The following ADGRL3 variants were observed in gnomAD, a reference collection of about 807,000 sequenced individuals.
ADGRL3 encodes calcium-independent alpha-latrotoxin receptor 3.
In ADGRL3, 62 loss-of-function variants were observed where a neutral mutation model predicts 153.5. That is an observed-to-expected ratio of 0.40 (90% CI 0.33 to 0.50). The LOEUF (loss-of-function observed/expected upper bound fraction) is 0.50. Among genes scored for constraint, ADGRL3 ranks in the 20% least tolerant of loss-of-function variants. ADGRL3 has a pLI of 0.47. For synonymous variants in ADGRL3, 710 were observed against 672.5 expected, an observed-to-expected ratio of 1.06 and a Z score of -0.86; for missense variants, 1,641 against 1,859.4, an observed-to-expected ratio of 0.88 and a Z score of 2.16.
chr4:61,387,358 T>A (rs1336735772), intron 2 of ADGRL3, among the ~76,000 whole-genome samples: 1 of 152,104 alleles, frequency 6.6e-6, no homozygotes, highest in Non-Finnish European at 1.5e-5. Context: ...ATTGATAACA[T>A]CTTATCAGGA....
chr4:61,429,026 A>G (rs548807524), intron 2 of ADGRL3, among the ~76,000 whole-genome samples: 1 of 152,166 alleles, frequency 6.6e-6, no homozygotes, highest in South Asian at 2.1e-4. Flanking sequence ...ATCTATTATA[A>G]ATATAGATAT....
intron 1 of ADGRL3, among the ~76,000 whole-genome samples, chr4:61,248,137 C>T (rs535314803): frequency 3.5e-4 from 53 of 152,090 alleles, no homozygotes; most frequent in African/African-American, 8.9e-4. Context: ...TTGAAACCTT[C>T]TCATTTGCTT....
At chr4:61,711,491 T>TATATATATATACAC (rs757078842) in intron 6 of ADGRL3, among the ~76,000 whole-genome samples, 9 of 89,210 alleles carry the variant, frequency 1.0e-4, no homozygotes, top group East Asian at 5.3e-4. Flanking sequence ...TATATATATA[T>TATATATATATACAC]ACACACACAC....
chr4:62,053,555 G>A (rs1375487344), intron 25 of ADGRL3, among the ~76,000 whole-genome samples: 1 of 151,452 alleles, frequency 6.6e-6, no homozygotes, highest in Admixed American at 6.6e-5. Flanking sequence ...GGAGAATTAC[G>A]AAAGATTTGA....
chr4:61,451,843 G>T (rs1294821081), intron 2 of ADGRL3, among the ~76,000 whole-genome samples: 1 of 152,040 alleles, frequency 6.6e-6, no homozygotes, highest in Non-Finnish European at 1.5e-5. Context: ...TATTTTAGTG[G>T]AATAAGAATA....
chr4:61,274,990 G>T (rs2093391702), intron 1 of ADGRL3, among the ~76,000 whole-genome samples: 1 of 152,028 alleles, frequency 6.6e-6, no homozygotes, highest in African/African-American at 2.4e-5. Context: ...CTAGTTTTTT[G>T]TTTGTATGTT....
chr4:61,255,544 A>G (rs2091882062), intron 1 of ADGRL3, among the ~76,000 whole-genome samples: 1 of 152,164 alleles, frequency 6.6e-6, no homozygotes, highest in Admixed American at 6.5e-5. Flanking sequence ...ATTTTTGATT[A>G]TTTACTCAGA....
At chr4:61,964,890 A>G (rs1462400570) in intron 17 of ADGRL3, among the ~76,000 whole-genome samples, 1 of 152,118 alleles carries the variant, frequency 6.6e-6, no homozygotes, top group African/African-American at 2.4e-5. Context: ...AATTGTGTAT[A>G]CTGTTCTTGG....
chr4:61,260,373 C>T (rs543576220), intron 1 of ADGRL3, among the ~76,000 whole-genome samples: 3 of 152,182 alleles, frequency 2.0e-5, no homozygotes, highest in East Asian at 1.9e-4. Context: ...GCCGGATTCC[C>T]GTGTTAATGA....
intron 1 of ADGRL3, among the ~76,000 whole-genome samples, chr4:61,238,867 T>TA (rs539611747): frequency 1.4e-4 from 21 of 152,004 alleles, no homozygotes; most frequent in Admixed American, 5.3e-4. Flanking sequence ...TGGCCTACAT[T>TA]AAAAAAAACT....
chr4:61,587,647 A>G (rs911827623), intron 5 of ADGRL3, among the ~76,000 whole-genome samples: 4 of 152,110 alleles, frequency 2.6e-5, no homozygotes, highest in African/African-American at 7.2e-5. Flanking sequence ...TGGATTATCT[A>G]TTACATTTCA....
intron 2 of ADGRL3, among the ~76,000 whole-genome samples, chr4:61,458,335 C>T (rs550936790): frequency 6.6e-6 from 1 of 150,876 alleles, no homozygotes; most frequent in South Asian, 2.1e-4. Flanking sequence ...TGGGTTATTA[C>T]TTTGATGCTT....
chr4:61,775,766 C>G (rs1165099777), intron 8 of ADGRL3: 8 of 827,332 alleles, frequency 9.7e-6, no homozygotes, highest in Non-Finnish European at 1.7e-5. Flanking sequence ...GCTAGGCAAT[C>G]GTGGATGAGG....
At chr4:61,806,137 G>A (rs963096053) in intron 8 of ADGRL3, among the ~76,000 whole-genome samples, 6 of 152,138 alleles carry the variant, frequency 3.9e-5, no homozygotes, top group Non-Finnish European at 8.8e-5. Flanking sequence ...GGATGACAGA[G>A]TACACATATG....
At chr4:61,782,532 G>A (rs1408376286) in intron 8 of ADGRL3, among the ~76,000 whole-genome samples, 1 of 152,042 alleles carries the variant, frequency 6.6e-6, no homozygotes, top group Non-Finnish European at 1.5e-5. Context: ...GGGGAAAATG[G>A]TCAAATTATG....
intron 9 of ADGRL3, among the ~76,000 whole-genome samples, chr4:61,819,643 A>C (rs2148702652): frequency 6.6e-6 from 1 of 152,244 alleles, no homozygotes; most frequent in East Asian, 1.9e-4. Context: ...TAGCAATATG[A>C]AACAAAAACA....
intron 9 of ADGRL3, among the ~76,000 whole-genome samples, chr4:61,887,126 A>C (rs575873321): frequency 6.6e-6 from 1 of 152,170 alleles, no homozygotes; most frequent in Admixed American, 6.5e-5. Flanking sequence ...CAGCCTCCCA[A>C]AGTGCTGTGA....
intron 13 of ADGRL3, among the ~76,000 whole-genome samples, chr4:61,922,528 T>C (rs954970942): frequency 1.3e-5 from 2 of 152,234 alleles, no homozygotes; most frequent in Non-Finnish European, 2.9e-5. Context: ...TTATTATCTA[T>C]GTCCTTTTCT....
intron 17 of ADGRL3, among the ~76,000 whole-genome samples, chr4:61,961,234 A>G (rs1385437675): frequency 1.3e-5 from 2 of 152,130 alleles, no homozygotes; most frequent in Admixed American, 6.5e-5. Flanking sequence ...TTAAAAAAAG[A>G]TAGCTGCCAC....
Sources: gnomAD v4.1 joint callset for allele counts (sites outside exome capture counted in the v4.1 genomes callset) on GRCh38, gnomAD v4.1.1 for gene constraint, MANE v1.5 for transcripts, NCBI Gene and HGNC (gene_info 2026-07-23, HGNC 2026-07-21) for gene names.